The following LAMA5 variants were observed in gnomAD, a reference collection of about 807,000 sequenced individuals.
The protein encoded by LAMA5 is laminin subunit alpha-5.
In LAMA5, 260 loss-of-function variants were observed where a neutral mutation model predicts 433.4. That is an observed-to-expected ratio of 0.60 (90% CI 0.54 to 0.66). The LOEUF (loss-of-function observed/expected upper bound fraction) is 0.66, where lower values mean the gene tolerates loss of function less well. LAMA5 is among the 30% of genes least tolerant of loss of function. LAMA5 has a pLI of 0.00. For synonymous variants in LAMA5, 2,620 were observed against 2,226.6 expected, an observed-to-expected ratio of 1.18 and a Z score of -4.97; for missense variants, 5,378 against 5,258.5, an observed-to-expected ratio of 1.02 and a Z score of -0.70.
chr20:62,332,747 C>T (rs375106555), intron 26 of LAMA5, 30 bp from the exon 27 acceptor site: 102 of 1,600,094 alleles, frequency 6.4e-5, no homozygotes, highest in African/African-American at 9.4e-5. Flanking sequence ...ACGGGAGGCC[C>T]GCCACCCCTC....
At position 62,311,061 on chromosome 20, in the gene LAMA5, G is replaced by A; in HGVS notation, c.10122C>T (p.Ser3374=). ...CAGTGAAGAGGAGGAGGCCTCGGGAGCTTCGCGGGAGGACGTGCATGGAGA... is the reference window on the plus strand; with the variant it reads ...CAGTGAAGAGGAGGAGGCCTCGGGAACTTCGCGGGAGGACGTGCATGGAGA... ...PSLSMHVLPR[S]SRGLLLFTAR... Residue 3374 remains serine (S), a synonymous_variant, in exon 74 of 80, where the codon AGC becomes AGT. Coordinates refer to ENST00000252999, the MANE Select transcript of LAMA5 (RefSeq NM_005560.6). 6.3e-7 allele frequency: 1 copy of A among 1,598,426 alleles called. No homozygotes were observed. The highest frequency in any genetic ancestry group is 8.5e-7 in the Non-Finnish European group (1 of 1,172,628).
rs774443448 is a variant in LAMA5 at position 62,324,532 on chromosome 20, C to T, written c.5552G>A (p.Arg1851Gln). Reference sequence around the variant, plus strand: ...GCCCAGGAAGAGACCTTTGACGTCCCGATAGAAGCCGGGGGCACATTCCTG... The same window carrying T: ...GCCCAGGAAGAGACCTTTGACGTCCTGATAGAAGCCGGGGGCACATTCCTG... ...SCQECAPGFY[R>Q]DVKGLFLGRC... The change falls in exon 42 of 80, where the codon CGG becomes CAG. Residue 1851 changes from arginine to glutamine, a missense_variant. Physicochemically the swap from Arg to Gln is conservative, Grantham distance 43 (BLOSUM62 1). Transcript: ENST00000252999. This position sits in a 1 kb window ranked among gnomAD's most constrained non-coding sequence, Gnocchi z 4.4. 32 of 1,611,676 alleles carry T rather than the reference C, an allele frequency of 2.0e-5. No homozygotes were observed. Among genetic ancestry groups the T allele is most frequent in the Admixed American group, 5.0e-5 (3 of 59,880 alleles).
chr20:62,314,608 C>T lies in LAMA5; in HGVS notation c.8314G>A (p.Glu2772Lys). The T allele has an allele frequency of 1.2e-6, 2 of 1,612,416 alleles. No homozygotes were observed. Among genetic ancestry groups the T allele is most frequent in the Middle Eastern group, 1.7e-4 (1 of 6,058 alleles). Residue 2772 changes from glutamate (E) to lysine (K), a missense_variant, in exon 61 of 80, where the codon GAG becomes AAG. Transcript: ENST00000252999. ...LKFYLQGPEP[E>K]PGQGTEDRFV... is the part of the protein sequence containing the mutation. ...CGATCCTCGGTACCCTGCCCAGGCT[C>T]AGGCTCTGGGCCCTGCAGGTAGAAC...
chr20:62,317,090 C>G (rs1987025087), intron 55 of LAMA5, 67 bp from the exon 56 acceptor site: 1 of 1,464,000 alleles, frequency 6.8e-7, no homozygotes, highest in Admixed American at 2.6e-5. Flanking sequence ...TCTCCAGCCT[C>G]CTGCGCTCAC....
rs34415039 is a variant in LAMA5, at chr20:62,340,305, GTT to G, written c.1478-1699_1478-1698del. Among the ~76,000 whole-genome samples the G allele has an allele frequency of 5.1e-3, 504 of 99,452 alleles. 5 individuals are homozygous for G. The highest frequency in any genetic ancestry group is 0.018 in the African/African-American group (475 of 26,082). 65.2% of individuals were successfully genotyped at this position (99,452 alleles called of 152,430 possible). A position where few individuals can be genotyped will look rare whatever the true frequency, so the allele number is the denominator to read the frequency against. On this transcript the variant is annotated intron_variant, in intron 11 of 79. Coordinates refer to ENST00000252999, the MANE Select transcript of LAMA5 (RefSeq NM_005560.6). ...AGAGCATAATGAACAAGCCTCCTTT[GTT>G]TTTTTTTTTTTTTTTTTTTTTGAAA...
chr20:62,353,576 G>A (rs116132695), intron 2 of LAMA5, among the ~76,000 whole-genome samples: 1,691 of 152,294 alleles, frequency 0.011, 29 homozygotes, highest in African/African-American at 0.039. Flanking sequence ...GGCTGCAGAT[G>A]GAGCAAGCTA....
rs777622400 is a variant in LAMA5 at position 62,311,102 on chromosome 20, C to T, written c.10089-8G>A. 2.4e-5 allele frequency: 37 copies of T among 1,567,652 alleles called. No homozygotes were observed. The highest frequency in any genetic ancestry group is 5.9e-5 in the South Asian group (5 of 85,298). ...TGCATGGAGAGACTGGGCCTGGAAG[C>T]GGAGCTGGCGTCAGCCTGCGCGGCC... On this transcript the variant is annotated splice_polypyrimidine_tract_variant and splice_region_variant and intron_variant, in intron 73 of 79. Transcript: ENST00000252999.
At position 62,338,556 on chromosome 20, in the gene LAMA5, T is replaced by C; in HGVS notation, c.1530A>G (p.Pro510=). ...GTTTGCACAGACAGCGTCCCACCCT[T>C]GGGTCCTTCCGGCAGGCGTTGCCCT... The part of the protein sequence containing the change: ...GTQGNACRKD[P]RVGRCLCKPN... Residue 510 remains proline, a synonymous_variant, in exon 12 of 80, where the codon CCA becomes CCG. Coordinates refer to ENST00000252999, the MANE Select transcript of LAMA5 (RefSeq NM_005560.6). 6.2e-7 allele frequency: 1 copy of C among 1,611,514 alleles called. No individual in the cohort carries two copies. Among genetic ancestry groups the C allele is most frequent in the Non-Finnish European group, 8.5e-7 (1 of 1,179,556 alleles).
rs1194786189 is a variant in LAMA5, at chr20:62,330,554, C to T, written c.3913G>A (p.Gly1305Ser). ...AAGGTGGGGTGGGCTGGCTGGTAGC[C>T]GTGCAGCAGGAAGGCATAGCGGCCC... ...TLGRYAFLLH[G>S]YQPAHPTFPV... The change falls in exon 31 of 80, where the codon GGC becomes AGC. Residue 1305 changes from glycine to serine, a missense_variant. Coordinates refer to ENST00000252999, the MANE Select transcript of LAMA5 (RefSeq NM_005560.6). The T allele has an allele frequency of 6.9e-6, 11 of 1,589,090 alleles. No individual in the cohort carries two copies. Among genetic ancestry groups the T allele is most frequent in the East Asian group, 2.3e-5 (1 of 44,048 alleles).
intron 11 of LAMA5, among the ~76,000 whole-genome samples, chr20:62,343,943 G>A (rs1193184481): frequency 2.0e-5 from 3 of 151,596 alleles, no homozygotes; most frequent in African/African-American, 7.3e-5. Flanking sequence ...TTGGGAGTTC[G>A]AGACCAGCCT....
intron 17 of LAMA5, 83 bp from the exon 18 acceptor site, chr20:62,336,528 G>C (rs971974259): frequency 6.2e-6 from 8 of 1,298,768 alleles, no homozygotes; most frequent in Non-Finnish European, 8.7e-6. Flanking sequence ...CCCTGACAAG[G>C]GGTGGTGAGG....
Position 62,324,791 on chromosome 20 carries a change from G to C in LAMA5, c.5530-237C>G. The C allele has an allele frequency of 1.9e-6, 1 of 537,662 alleles. No homozygotes were observed. Among genetic ancestry groups the C allele is most frequent in the South Asian group, 2.1e-5 (1 of 48,202 alleles). 33.3% of individuals were successfully genotyped at this position (537,662 alleles called of 1,614,324 possible). A position where few individuals can be genotyped will look rare whatever the true frequency, so the allele number is the denominator to read the frequency against. On this transcript the variant is annotated intron_variant, in intron 41 of 79. Coordinates refer to ENST00000252999, the MANE Select transcript of LAMA5 (RefSeq NM_005560.6). The surrounding 1 kb of genome is among the most constrained non-coding windows in gnomAD (Gnocchi z 4.4). ...GCTCTCAAAGCCACACGGATGTCCT[G>C]TCTCGGGAATGACCAGGCCTTGGGG...
Position 62,320,572 on chromosome 20 carries a change from C to A in LAMA5, c.6746G>T (p.Arg2249Leu), listed in dbSNP as rs752146711. Reference sequence around the variant, plus strand: ...TGGGGCTCCTGCCTGGCCGCCTAGCCGCCGTGCGTCCTGCCCGAGGCTTGT... The same window carrying A: ...TGGGGCTCCTGCCTGGCCGCCTAGCAGCCGTGCGTCCTGCCCGAGGCTTGT... ...QSTSLGQDARRLGGQAVGTRD... is the reference protein window; with the variant it reads ...QSTSLGQDARLLGGQAVGTRD... Residue 2249 changes from arginine (R) to leucine (L), a missense_variant, in exon 50 of 80, where the codon CGG (arginine) becomes CTG (leucine). Transcript: ENST00000252999. The A allele has an allele frequency of 6.3e-7, 1 of 1,597,554 alleles. No individual in the cohort carries two copies. The highest frequency in any genetic ancestry group is 8.5e-7 in the Non-Finnish European group (1 of 1,177,312).
chr20:62,364,769 C>A (rs1173583438), intron 1 of LAMA5, among the ~76,000 whole-genome samples: 1 of 152,240 alleles, frequency 6.6e-6, no homozygotes, highest in African/African-American at 2.4e-5. Context: ...CAGGGTTCAC[C>A]CCGACCCCCA....
chr20:62,323,194 G>T (rs1978618028), intron 45 of LAMA5, among the ~76,000 whole-genome samples: 1 of 148,056 alleles, frequency 6.8e-6, no homozygotes, highest in Non-Finnish European at 1.5e-5. Flanking sequence ...TTGTAGTAGG[G>T]AGAAAGGGTG....
In LAMA5 at chr20:62,362,439, C is replaced by T; in HGVS notation, c.411G>A (p.Leu137=). 2 of 1,585,754 alleles carry T rather than the reference C, an allele frequency of 1.3e-6. No homozygotes were observed. The change falls in exon 2 of 80, where the codon CTG becomes CTA. Residue 137 remains leucine (L), a synonymous_variant. Coordinates refer to ENST00000252999, the MANE Select transcript of LAMA5 (RefSeq NM_005560.6). ...WWQSPPLSRG[L]EYNEVNVTLD... Reference sequence around the variant, plus strand: ...GGGTGACGTTGACCTCGTTGTACTCCAGGCCGCGGGACAGCGGTGGACTCT... The same window carrying T: ...GGGTGACGTTGACCTCGTTGTACTCTAGGCCGCGGGACAGCGGTGGACTCT...
chr20:62,319,355 C>A lies in LAMA5; in HGVS notation c.6871+329G>T, dbSNP rs529417694. ...GACCCCCAGGCTGGGCTGGCAGGTC[C>A]TGTTAGGCAGGCTCAGGGAGCCAAA... On this transcript the variant is annotated intron_variant, in intron 51 of 79. Coordinates refer to ENST00000252999, the MANE Select transcript of LAMA5 (RefSeq NM_005560.6). Among the ~76,000 whole-genome samples the A allele has an allele frequency of 3.4e-3, 525 of 152,244 alleles. 2 individuals are homozygous for A. The highest frequency in any genetic ancestry group is 0.011 in the African/African-American group (471 of 41,574).
chr20:62,312,356 G>T, intron 68 of LAMA5, 40 bp from the exon 69 acceptor site: 1 of 1,602,182 alleles, frequency 6.2e-7, no homozygotes, highest in South Asian at 1.1e-5. Flanking sequence ...GGGTGCCCCT[G>T]CATGTCCACA....
Position 62,310,797 on chromosome 20 carries a change from C to A in LAMA5, c.10314G>T (p.Leu3438=). The change falls in exon 75 of 80, where the codon CTG becomes CTT. Residue 3438 remains leucine, a synonymous_variant. Coordinates refer to ENST00000252999, the MANE Select transcript of LAMA5 (RefSeq NM_005560.6). ...AGGCCCGGGCCCCGTCCGTCACCAGCAGGATCCGGTTCTTCTCCCAGCGCA... is the reference window on the plus strand; with the variant it reads ...AGGCCCGGGCCCCGTCCGTCACCAGAAGGATCCGGTTCTTCTCCCAGCGCA... ...VSVRWEKNRI[L]LVTDGARAWS... 6.4e-7 allele frequency: 1 copy of A among 1,553,974 alleles called. No homozygotes were observed. Among genetic ancestry groups the A allele is most frequent in the Non-Finnish European group, 8.7e-7 (1 of 1,149,804 alleles).
Sources: allele counts gnomAD v4.1 joint callset (sites outside exome capture counted in the v4.1 genomes callset), GRCh38; gene constraint gnomAD v4.1.1; non-coding constraint Gnocchi (gnomAD v3.1); transcripts MANE v1.5; gene names NCBI Gene and HGNC (gene_info 2026-07-23, HGNC 2026-07-21).